The following PIAS1 variants were observed in gnomAD, a reference collection of about 807,000 sequenced individuals.
PIAS1 encodes the protein E3 SUMO-protein ligase PIAS1.
Under a neutral mutation model 71.3 loss-of-function variants are expected in PIAS1, and 6 were observed. The observed-to-expected ratio is 0.08, with a 90% confidence interval of 0.05 to 0.17. The LOEUF (loss-of-function observed/expected upper bound fraction) is 0.17, where lower values mean the gene tolerates loss of function less well. Among genes scored for constraint, PIAS1 ranks in the 10% least tolerant of loss-of-function variants. PIAS1 has a pLI of 1.00. For missense variants in PIAS1, 555 were observed against 793.6 expected (o/e 0.70, Z 3.61); for synonymous variants, 303 against 292.9 (o/e 1.03, Z -0.35).
At position 68,189,301 on chromosome 15, in the gene PIAS1, T is replaced by C. The variant is rs937983300; in HGVS notation, c.*1466T>C. ...ATGTTCTCAGGTGTGGAAAATATTT[T>C]TTAGTTGATTGAGAATGCAGGTTTA... On this transcript the variant is annotated 3_prime_UTR_variant, in exon 14 of 14. Transcript: ENST00000249636. 1 of 152,212 alleles carries C rather than the reference T, an allele frequency of 6.6e-6. No homozygotes were observed. The highest frequency in any genetic ancestry group is 6.5e-5 in the Admixed American group (1 of 15,284). The allele number at this position is 152,212 out of a possible 1,614,324, so 9.4% of individuals were successfully genotyped here. A position where few individuals can be genotyped will look rare whatever the true frequency, so the allele number is the denominator to read the frequency against.
chr15:68,172,110 G>A (rs963349529), intron 8 of PIAS1, among the ~76,000 whole-genome samples: 2 of 149,126 alleles, frequency 1.3e-5, no homozygotes, highest in African/African-American at 5.0e-5. Context: ...TCCCCGCCCT[G>A]TGTCCAAGTG....
chr15:68,176,664 G>C lies in PIAS1; in HGVS notation c.1481+10G>C. On this transcript the variant is annotated intron_variant, in intron 11 of 13. Coordinates refer to ENST00000249636, the MANE Select transcript of PIAS1 (RefSeq NM_016166.3). ...CACTAAATAATAAAGGGTAAGTGCT[G>C]AGACATTTAAAAAAAAAAGTAATCA... The C allele has an allele frequency of 6.6e-7, 1 of 1,514,432 alleles. No homozygotes were observed. The allele number at this position is 1,514,432 out of a possible 1,614,324, so 93.8% of individuals were successfully genotyped here.
chr15:68,135,412 G>A (rs1210580841), intron 2 of PIAS1, among the ~76,000 whole-genome samples: 1 of 41,244 alleles, frequency 2.4e-5, no homozygotes, highest in African/African-American at 5.6e-5. Context: ...TGGCCGGGCA[G>A]AGGGGCTCCC....
At chr15:68,155,363 G>A (rs2092880281) in intron 7 of PIAS1, among the ~76,000 whole-genome samples, 1 of 145,384 alleles carries the variant, frequency 6.9e-6, no homozygotes, top group Admixed American at 7.2e-5. Context: ...GGAAGCCAAT[G>A]GAATATTAAT....
intron 6 of PIAS1, among the ~76,000 whole-genome samples, chr15:68,152,759 A>G (rs2092856709): frequency 6.6e-6 from 1 of 152,160 alleles, no homozygotes; most frequent in Admixed American, 6.5e-5. Context: ...CCAGCACCAA[A>G]TAGAAACTGA....
rs182482097 is a variant in PIAS1, at chr15:68,100,489, C to T, written c.469+13739C>T. Among the ~76,000 whole-genome samples the T allele has an allele frequency of 1.2e-3, 177 of 151,998 alleles. 1 individual carries two copies. Among genetic ancestry groups the T allele is most frequent in the African/African-American group, 4.0e-3 (167 of 41,422 alleles). On this transcript the variant is annotated intron_variant, in intron 2 of 13. Coordinates refer to ENST00000249636, the MANE Select transcript of PIAS1 (RefSeq NM_016166.3). ...TCACTAGTTTGTTCCTTTTAAGGGG[C>T]GGGGAGGGGGGCGCTGAGAAGTATT... is the stretch of plus-strand genomic sequence containing the variant.
At chr15:68,168,713 A>G (rs1293028363) in intron 8 of PIAS1, among the ~76,000 whole-genome samples, 2 of 152,190 alleles carry the variant, frequency 1.3e-5, no homozygotes, top group African/African-American at 4.8e-5. Context: ...ATTATCACAT[A>G]ATAGTTATTT....
rs1161994755 is a variant in PIAS1, at chr15:68,191,013, A to T, written c.*3178A>T. On this transcript the variant is annotated 3_prime_UTR_variant, in exon 14 of 14. Coordinates refer to ENST00000249636, the MANE Select transcript of PIAS1 (RefSeq NM_016166.3). ...TAGACAATTTCAATTTTAAACACAT[A>T]AAACTTTCAAGATCTTCAGGACTTT... is the stretch of plus-strand genomic sequence containing the variant. The T allele has an allele frequency of 2.6e-5, 4 of 152,546 alleles. No homozygotes were observed. Among genetic ancestry groups the T allele is most frequent in the African/African-American group, 9.6e-5 (4 of 41,590 alleles). The allele number at this position is 152,546 out of a possible 1,614,324, so 9.4% of individuals were successfully genotyped here. A position where few individuals can be genotyped will look rare whatever the true frequency, so the allele number is the denominator to read the frequency against.
At chr15:68,128,316 G>A (rs916277257) in intron 2 of PIAS1, among the ~76,000 whole-genome samples, 1 of 152,154 alleles carries the variant, frequency 6.6e-6, no homozygotes, top group Non-Finnish European at 1.5e-5. Flanking sequence ...ACTGGCGTGT[G>A]CCACGACGAC....
At chr15:68,074,170 A>G (rs2092131336) in intron 1 of PIAS1, among the ~76,000 whole-genome samples, 1 of 152,176 alleles carries the variant, frequency 6.6e-6, no homozygotes, top group South Asian at 2.1e-4. Context: ...AGATTTGGAA[A>G]TTGTTAATTT....
chr15:68,085,710 G>A (rs1361594167), intron 1 of PIAS1, among the ~76,000 whole-genome samples: 1 of 152,178 alleles, frequency 6.6e-6, no homozygotes, highest in Non-Finnish European at 1.5e-5. Context: ...GAGTTGTAAA[G>A]ATAATGACAT....
At chr15:68,092,624 C>A (rs907747387) in intron 2 of PIAS1, among the ~76,000 whole-genome samples, 1 of 152,110 alleles carries the variant, frequency 6.6e-6, no homozygotes, top group Admixed American at 6.6e-5. Context: ...AGAGGTGGGG[C>A]CTTTAGCAGG....
chr15:68,122,670 A>G (rs1014530962), intron 2 of PIAS1, among the ~76,000 whole-genome samples: 4 of 152,336 alleles, frequency 2.6e-5, no homozygotes, highest in East Asian at 1.9e-4. Context: ...ATGAAATGCT[A>G]TTAGCTTAAT....
chr15:68,102,632 A>G (rs1334617396), intron 2 of PIAS1, among the ~76,000 whole-genome samples: 1 of 152,124 alleles, frequency 6.6e-6, no homozygotes, highest in East Asian at 1.9e-4. Context: ...TCAGCATTTT[A>G]TAGTTTTCAG....
intron 1 of PIAS1, among the ~76,000 whole-genome samples, chr15:68,074,981 G>C (rs1597134489): frequency 6.8e-6 from 1 of 147,998 alleles, no homozygotes; most frequent in African/African-American, 2.5e-5. Flanking sequence ...CACGAAGAAT[G>C]TGTAATATGT....
chr15:68,067,628 T>C (rs2092043438), intron 1 of PIAS1, among the ~76,000 whole-genome samples: 1 of 152,112 alleles, frequency 6.6e-6, no homozygotes, highest in Non-Finnish European at 1.5e-5. Flanking sequence ...GATTCTTAAA[T>C]AGATGCCTAT....
At chr15:68,131,258 A>T (rs2141031788) in intron 2 of PIAS1, among the ~76,000 whole-genome samples, 1 of 152,326 alleles carries the variant, frequency 6.6e-6, no homozygotes, top group South Asian at 2.1e-4. Context: ...ATATTTATTT[A>T]TTGAAAAATT....
At chr15:68,121,916 C>T (rs1403016723) in intron 2 of PIAS1, among the ~76,000 whole-genome samples, 2 of 152,090 alleles carry the variant, frequency 1.3e-5, no homozygotes, top group African/African-American at 4.8e-5. Flanking sequence ...TTGCTTGAGT[C>T]CAAGTGTTTG....
rs371219984 is a variant in PIAS1 at position 68,096,554 on chromosome 15, C to G, written c.469+9804C>G. 3.3e-5 allele frequency among the ~76,000 whole-genome samples: 5 copies of G among 151,846 alleles called. No individual in the cohort carries two copies. The East Asian group carries it at 7.7e-4, about 23-fold the overall frequency. ...CATTTAAACAATATTGTTTTTGATT[C>G]ATGAGCATTATCCTTTTTTTTATAT... is the stretch of plus-strand genomic sequence containing the variant. On this transcript the variant is annotated intron_variant, in intron 2 of 13. Transcript: ENST00000249636.
Sources: gnomAD v4.1 joint callset for allele counts (sites outside exome capture counted in the v4.1 genomes callset) on GRCh38, gnomAD v4.1.1 for gene constraint, MANE v1.5 for transcripts, NCBI Gene and HGNC (gene_info 2026-07-23, HGNC 2026-07-21) for gene names.